Variants in TTC19 observed in about 807,000 individuals in gnomAD.
TTC19 encodes tetratricopeptide repeat domain 19.
In TTC19, 38 loss-of-function variants were observed where a neutral mutation model predicts 49.5. That is an observed-to-expected ratio of 0.77 (90% CI 0.59 to 1.01). The LOEUF is 1.01. TTC19 is among the 50% of genes least tolerant of loss of function. TTC19 has a pLI of 0.00. For missense variants in TTC19, 475 were observed against 477.7 expected, an observed-to-expected ratio of 0.99 and a Z score of 0.05; for synonymous variants, 204 against 185.2, an observed-to-expected ratio of 1.10 and a Z score of -0.83.
chr17:16,040,379 T>C (rs1264137558), intron 2 of TTC19: 2 of 1,355,280 alleles, frequency 1.5e-6, no homozygotes, highest in Non-Finnish European at 2.1e-6. Context: ...CAGTACATAT[T>C]TGTTGGACTG....
chr17:16,001,828 G>C (rs1970745155), intron 2 of TTC19, 87 bp from the exon 3 acceptor site: 1 of 847,418 alleles, frequency 1.2e-6, no homozygotes, highest in Non-Finnish European at 2.0e-6. Context: ...TCTATCAGTT[G>C]GGATGTACAG....
chr17:16,018,162 T>G (rs939340221), intron 7 of TTC19, among the ~76,000 whole-genome samples: 20 of 152,220 alleles, frequency 1.3e-4, no homozygotes, highest in African/African-American at 4.6e-4. Flanking sequence ...TTTTAAATAG[T>G]CTATTTTCTC....
At chr17:16,037,368 G>T (rs1234514605) in intron 2 of TTC19, among the ~76,000 whole-genome samples, 1 of 152,042 alleles carries the variant, frequency 6.6e-6, no homozygotes, top group East Asian at 1.9e-4. Context: ...GAAAAATAAT[G>T]CTGATAGACT....
At chr17:16,008,222 G>A (rs1283935239) in intron 7 of TTC19, among the ~76,000 whole-genome samples, 1 of 152,152 alleles carries the variant, frequency 6.6e-6, no homozygotes, top group Non-Finnish European at 1.5e-5. Flanking sequence ...CCAAATGGCA[G>A]ACTTATAATT....
At chr17:16,020,301 T>A (rs1971333560) in intron 7 of TTC19, among the ~76,000 whole-genome samples, 1 of 152,360 alleles carries the variant, frequency 6.6e-6, no homozygotes, top group East Asian at 1.9e-4. Context: ...TTATCGGTTA[T>A]TCAGATTACC....
At chr17:16,014,167 A>T (rs888702899) in intron 7 of TTC19, among the ~76,000 whole-genome samples, 2 of 152,232 alleles carry the variant, frequency 1.3e-5, no homozygotes, top group African/African-American at 4.8e-5. Flanking sequence ...GATGTTTCTC[A>T]TAGGATCAAG....
At chr17:16,005,515 C>G (rs1970877585) in intron 6 of TTC19, among the ~76,000 whole-genome samples, 2 of 152,134 alleles carry the variant, frequency 1.3e-5, no homozygotes, top group Admixed American at 1.3e-4. Context: ...AGAAAAGAAC[C>G]AAAGCTGAGC....
downstream of TTC19, among the ~76,000 whole-genome samples, chr17:16,033,891 C>T (rs935633074): frequency 9.9e-5 from 15 of 151,722 alleles, no homozygotes; most frequent in African/African-American, 2.7e-4. Context: ...CTGCAATTTC[C>T]GCCTCCCAGG....
At chr17:16,037,784 T>C (rs753518373) in intron 2 of TTC19, among the ~76,000 whole-genome samples, 12 of 152,224 alleles carry the variant, frequency 7.9e-5, no homozygotes, top group Non-Finnish European at 1.5e-4. Flanking sequence ...TTCCAGACTG[T>C]GTAGCTGATG....
intron 2 of TTC19, chr17:16,039,294 T>G (rs571859734): frequency 1.3e-5 from 11 of 817,190 alleles, no homozygotes; most frequent in South Asian, 1.3e-4. Flanking sequence ...AAACCTTTTT[T>G]AAGTAACGGA....
In TTC19 at chr17:16,028,431, A is replaced by G. The variant is rs1187270641; in HGVS notation, c.*909A>G. On this transcript the variant is annotated 3_prime_UTR_variant, in exon 10 of 10. Coordinates refer to ENST00000261647, the MANE Select transcript of TTC19 (RefSeq NM_017775.4). ...TAGTCCTAGCCTTTTTGCTTTTGCA[A>G]TTTCAGTATCTTCATCTCTAAACTA... The G allele has an allele frequency of 4.4e-6, 2 of 453,920 alleles. No homozygotes were observed. The highest frequency in any genetic ancestry group is 8.8e-6 in the Non-Finnish European group (2 of 226,770). The allele number at this position is 453,920 out of a possible 1,614,324, so 28.1% of individuals were successfully genotyped here.
intron 2 of TTC19, chr17:16,034,680 G>T: frequency 8.3e-7 from 1 of 1,205,316 alleles, no homozygotes; most frequent in South Asian, 1.5e-5. Flanking sequence ...CAAATTAGAA[G>T]AGTTGCTGAA....
At chr17:16,039,415 C>T in intron 2 of TTC19, 2 of 1,607,110 alleles carry the variant, frequency 1.2e-6, no homozygotes, top group Non-Finnish European at 1.7e-6. Context: ...CAGAAAAGCA[C>T]TAAAATGAAA....
downstream of TTC19, among the ~76,000 whole-genome samples, chr17:16,033,937 C>T (rs368267058): frequency 1.3e-5 from 2 of 152,164 alleles, no homozygotes; most frequent in East Asian, 3.9e-4. Context: ...CTCAAGTGAT[C>T]TGCCCGCCTC....
downstream of TTC19, among the ~76,000 whole-genome samples, chr17:16,033,483 A>C (rs1424651817): frequency 6.6e-6 from 1 of 152,198 alleles, no homozygotes; most frequent in Non-Finnish European, 1.5e-5. Flanking sequence ...AACTCAAAAC[A>C]ACCACTTTGC....
intron 9 of TTC19, 161 bp downstream of exon 9, chr17:16,026,863 A>G (rs1286264471): frequency 1.3e-6 from 1 of 786,220 alleles, no homozygotes; most frequent in East Asian, 2.7e-5. Context: ...GATTAGGTTG[A>G]AGTACTATTG....
In TTC19 at chr17:16,025,099, G is replaced by A. The variant is rs781506238; in HGVS notation, c.759G>A (p.Pro253=). The A allele has an allele frequency of 9.3e-6, 15 of 1,613,794 alleles. No individual in the cohort carries two copies. The highest frequency in any genetic ancestry group is 1.6e-4 in the Middle Eastern group (1 of 6,078). Residue 253 remains proline, a synonymous_variant, in exon 8 of 10, where the codon CCG becomes CCA. Transcript: ENST00000261647. ...CARYLLFSKQ[P]SQAQRMYEKA... is the part of the protein sequence containing the mutation. Reference sequence around the variant, plus strand: ...GCTACCTTCTGTTCTCCAAGCAGCCGTCACAGGCACAAAGGATGTATGAAA... The same window carrying A: ...GCTACCTTCTGTTCTCCAAGCAGCCATCACAGGCACAAAGGATGTATGAAA...
intron 2 of TTC19, chr17:16,034,802 C>T (rs1973840909): frequency 3.7e-6 from 6 of 1,613,712 alleles, no homozygotes; most frequent in African/African-American, 2.7e-5. Flanking sequence ...CCCACCCTGG[C>T]GTCTGCCTAT....
chr17:16,011,369 G>C (rs1597457345), intron 7 of TTC19, among the ~76,000 whole-genome samples: 1 of 152,012 alleles, frequency 6.6e-6, no homozygotes, highest in African/African-American at 2.4e-5. Flanking sequence ...TAGTAGAGAC[G>C]GGATTTCACC....
Sources: gnomAD v4.1 joint callset for allele counts (sites outside exome capture counted in the v4.1 genomes callset) on GRCh38, gnomAD v4.1.1 for gene constraint, MANE v1.5 for transcripts, NCBI Gene and HGNC (gene_info 2026-07-23, HGNC 2026-07-21) for gene names.